ZNHIT6: variants seen among roughly 807,000 people sequenced by gnomAD.
ZNHIT6 encodes the protein zinc finger HIT-type containing 6, also known as box C/D snoRNA protein 1.
Under a neutral mutation model 57.2 loss-of-function variants are expected in ZNHIT6, and 45 were observed. The observed-to-expected ratio is 0.79, with a 90% CI of 0.62 to 1.01. The LOEUF (loss-of-function observed/expected upper bound fraction) is 1.01, where lower values mean the gene tolerates loss of function less well. ZNHIT6 is among the 50% of genes least tolerant of loss of function. ZNHIT6 has a pLI of 0.00. For missense variants in ZNHIT6, 528 were observed against 567.3 expected, an observed-to-expected ratio of 0.93 and a Z score of 0.70; for synonymous variants, 188 against 190.0, an observed-to-expected ratio of 0.99 and a Z score of 0.09.
intron 5 of ZNHIT6, among the ~76,000 whole-genome samples, chr1:85,689,633 G>T (rs867763545): frequency 6.6e-6 from 1 of 152,160 alleles, no homozygotes; most frequent in Non-Finnish European, 1.5e-5. Flanking sequence ...GATATAGCAG[G>T]TGAAGACGGA....
At chr1:85,682,302 G>GC (rs1265372741) in intron 5 of ZNHIT6, among the ~76,000 whole-genome samples, 1 of 151,616 alleles carries the variant, frequency 6.6e-6, no homozygotes, top group Non-Finnish European at 1.5e-5. Flanking sequence ...GGGATTACAG[G>GC]CATGAGCCAC....
chr1:85,704,482 T>C (rs558527988), intron 4 of ZNHIT6, among the ~76,000 whole-genome samples: 33 of 152,306 alleles, frequency 2.2e-4, no homozygotes, highest in Admixed American at 1.9e-3. Context: ...ATGGAACTTC[T>C]GGGAAGCCAG....
chr1:85,689,543 G>A lies in ZNHIT6; in HGVS notation c.1020-8639C>T, dbSNP rs536232807. Among the ~76,000 whole-genome samples the A allele has an allele frequency of 1.0e-3, 155 of 152,184 alleles. 1 individual carries two copies. The highest frequency in any genetic ancestry group is 3.6e-3 in the African/African-American group (151 of 41,520). On this transcript the variant is annotated intron_variant, in intron 5 of 9. Transcript: ENST00000370574. ...TATATTTTTGTCCTTTTAAAAATTAGTACCACTACTGCATGAAAATAATAG... is the reference window on the plus strand; with the variant it reads ...TATATTTTTGTCCTTTTAAAAATTAATACCACTACTGCATGAAAATAATAG...
At chr1:85,670,024 A>G (rs1661508570) in intron 8 of ZNHIT6, among the ~76,000 whole-genome samples, 2 of 152,090 alleles carry the variant, frequency 1.3e-5, no homozygotes, top group South Asian at 4.2e-4. Context: ...CAGGTACTAC[A>G]CTTTCTGAAG....
Position 85,708,358 on chromosome 1 carries a change from C to A in ZNHIT6, c.-74G>T, listed in dbSNP as rs965085693. 3 of 1,511,828 alleles carry A rather than the reference C, an allele frequency of 2.0e-6. No individual in the cohort carries two copies. Among genetic ancestry groups the A allele is most frequent in the South Asian group, 2.6e-5 (2 of 77,536 alleles). 93.7% of individuals were successfully genotyped at this position (1,511,828 alleles called of 1,614,324 possible). A position where few individuals can be genotyped will look rare whatever the true frequency, so the allele number is the denominator to read the frequency against. On this transcript the variant is annotated 5_prime_UTR_variant, in exon 1 of 10. Coordinates refer to ENST00000370574, the MANE Select transcript of ZNHIT6 (RefSeq NM_017953.4). ...TGCTGCACACCAATAGGAGGAATTACCGGTCGGAATACCTACGGCGGCCCA... is the reference window on the plus strand; with the variant it reads ...TGCTGCACACCAATAGGAGGAATTAACGGTCGGAATACCTACGGCGGCCCA...
chr1:85,660,032 TAA>T (rs945387616), intron 8 of ZNHIT6, among the ~76,000 whole-genome samples: 1 of 152,364 alleles, frequency 6.6e-6, no homozygotes, highest in African/African-American at 2.4e-5. Context: ...TACAATACTT[TAA>T]AAGTGTTTCC....
chr1:85,670,662 C>T (rs1422698187), intron 8 of ZNHIT6, among the ~76,000 whole-genome samples: 1 of 152,086 alleles, frequency 6.6e-6, no homozygotes, highest in Non-Finnish European at 1.5e-5. Flanking sequence ...ATGCAAAACA[C>T]TTTTAAGGTT....
intron 4 of ZNHIT6, among the ~76,000 whole-genome samples, chr1:85,703,484 C>T (rs555662179): frequency 6.6e-6 from 1 of 152,212 alleles, no homozygotes. Flanking sequence ...CAAAATGACC[C>T]AAGCATATAG....
intron 5 of ZNHIT6, among the ~76,000 whole-genome samples, chr1:85,694,256 C>T (rs893238739): frequency 3.9e-5 from 6 of 152,092 alleles, no homozygotes; most frequent in African/African-American, 4.8e-5. Context: ...ATGCAAACTA[C>T]GGAACTCTAG....
rs145423818 is a variant in ZNHIT6 at position 85,700,957 on chromosome 1, C to G, written c.1019+1200G>C. 5.6e-4 allele frequency among the ~76,000 whole-genome samples: 85 copies of G among 152,250 alleles called. No homozygotes were observed. The East Asian group carries it at 0.016, about 29-fold the overall frequency. On this transcript the variant is annotated intron_variant, in intron 5 of 9. Transcript: ENST00000370574. Reference sequence around the variant, plus strand: ...GAGTAGCTGGGATCACAGGTGGGTGCCACTGCACCTGGCTAATTTTTGTAT... The same window carrying G: ...GAGTAGCTGGGATCACAGGTGGGTGGCACTGCACCTGGCTAATTTTTGTAT...
chr1:85,696,582 GATC>G (rs1204993858), intron 5 of ZNHIT6, among the ~76,000 whole-genome samples: 2 of 151,814 alleles, frequency 1.3e-5, no homozygotes, highest in Non-Finnish European at 2.9e-5. Context: ...CCTGACTATA[GATC>G]ATCTACAAAT....
At chr1:85,662,593 A>G (rs1365107720) in intron 8 of ZNHIT6, among the ~76,000 whole-genome samples, 1 of 152,044 alleles carries the variant, frequency 6.6e-6, no homozygotes, top group Non-Finnish European at 1.5e-5. Flanking sequence ...AATTTTTGCA[A>G]CTCCTAATGT....
chr1:85,689,420 ATT>A (rs1662151827), intron 5 of ZNHIT6, among the ~76,000 whole-genome samples: 1 of 152,334 alleles, frequency 6.6e-6, no homozygotes, highest in South Asian at 2.1e-4. Flanking sequence ...AATCTGTTTA[ATT>A]ATTTGGTATA....
chr1:85,662,729 T>A (rs190238427), intron 8 of ZNHIT6, among the ~76,000 whole-genome samples: 9 of 152,314 alleles, frequency 5.9e-5, no homozygotes, highest in Admixed American at 5.9e-4. Flanking sequence ...TTGGGATTTT[T>A]ATATATCCAC....
At chr1:85,689,102 A>G (rs1662142993) in intron 5 of ZNHIT6, among the ~76,000 whole-genome samples, 1 of 152,242 alleles carries the variant, frequency 6.6e-6, no homozygotes, top group African/African-American at 2.4e-5. Context: ...GTCAACTTGT[A>G]TGACATCTGG....
Position 85,653,962 on chromosome 1 carries a change from A to G in ZNHIT6, c.*96T>C, listed in dbSNP as rs1660985276. 1.1e-6 allele frequency: 1 copy of G among 902,310 alleles called. No individual in the cohort carries two copies. The highest frequency in any genetic ancestry group is 1.7e-6 in the Non-Finnish European group (1 of 577,222). The allele number at this position is 902,310 out of a possible 1,614,324, so 55.9% of individuals were successfully genotyped here. On this transcript the variant is annotated 3_prime_UTR_variant, in exon 10 of 10. Coordinates refer to ENST00000370574, the MANE Select transcript of ZNHIT6 (RefSeq NM_017953.4). ...TTCATACAAAGAAAAAATTCCAATC[A>G]CCCATTGACAATACCCCAATCAGCC... is the stretch of plus-strand genomic sequence containing the variant.
At chr1:85,702,888 A>C (rs1662576450) in intron 4 of ZNHIT6, among the ~76,000 whole-genome samples, 1 of 152,222 alleles carries the variant, frequency 6.6e-6, no homozygotes, top group African/African-American at 2.4e-5. Flanking sequence ...AGGAAGTAAT[A>C]CCAGATTTTT....
intron 5 of ZNHIT6, among the ~76,000 whole-genome samples, chr1:85,682,992 G>T (rs372815923): frequency 6.6e-6 from 1 of 151,162 alleles, no homozygotes. Flanking sequence ...CAAGGTGGGC[G>T]CATCGTTTGA....
In ZNHIT6 at chr1:85,685,271, T is replaced by C. The variant is rs147801618; in HGVS notation, c.1020-4367A>G. Among the ~76,000 whole-genome samples, 18 of 152,194 alleles carry C rather than the reference T, an allele frequency of 1.2e-4. No individual in the cohort carries two copies. The East Asian group carries it at 3.5e-3, about 29-fold the overall frequency. On this transcript the variant is annotated intron_variant, in intron 5 of 9. Transcript: ENST00000370574. ...CACCACTTTATATAATAGAAAAAAA[T>C]TAGAAACAACCTAAATGTACATCAT... is the stretch of plus-strand genomic sequence containing the variant.
Sources: gnomAD v4.1 joint callset for allele counts (sites outside exome capture counted in the v4.1 genomes callset) on GRCh38, gnomAD v4.1.1 for gene constraint, MANE v1.5 for transcripts, NCBI Gene and HGNC (gene_info 2026-07-23, HGNC 2026-07-21) for gene names.